NTM: variants seen among roughly 807,000 people sequenced by gnomAD.
The protein encoded by NTM is IgLON family member 2.
Under a neutral mutation model 42.1 loss-of-function variants are expected in NTM, and 13 were observed. The observed-to-expected ratio is 0.31, with a 90% CI of 0.20 to 0.49. The LOEUF (loss-of-function observed/expected upper bound fraction) is 0.49, where lower values mean the gene tolerates loss of function less well. Among genes scored for constraint, NTM ranks in the 20% least tolerant of loss-of-function variants. The probability of loss-of-function intolerance (pLI) is 0.99; values close to 1 mark genes in which losing one functional copy is unlikely to be tolerated. For synonymous variants in NTM, 187 were observed against 179.2 expected, an observed-to-expected ratio of 1.04 and a Z score of -0.35; for missense variants, 373 against 452.8, an observed-to-expected ratio of 0.82 and a Z score of 1.60.
intron 2 of NTM, among the ~76,000 whole-genome samples, chr11:132,008,610 C>T (rs1435066175): frequency 6.6e-6 from 1 of 151,906 alleles, no homozygotes; most frequent in African/African-American, 2.4e-5. Flanking sequence ...GAGCCTCTGT[C>T]TGTGAATCTT....
chr11:132,205,164 A>C (rs1435268482), intron 3 of NTM, among the ~76,000 whole-genome samples: 1 of 152,188 alleles, frequency 6.6e-6, no homozygotes, highest in African/African-American at 2.4e-5. Flanking sequence ...GAGGAGAGGC[A>C]GGAGGGGAAC....
At chr11:132,137,903 A>G (rs1209057089) in intron 2 of NTM, among the ~76,000 whole-genome samples, 1 of 152,088 alleles carries the variant, frequency 6.6e-6, no homozygotes, top group African/African-American at 2.4e-5. Flanking sequence ...ACACACAGAG[A>G]GCAACGTGCT....
rs1220374366 is a variant in NTM at position 132,149,614 on chromosome 11, CT to C, written c.400+3101del. ...TACTGTCAAATATCCCATCTACCCCCTAGTTCTCTGTACTGGATTTTCTTCC... is the reference window on the plus strand; with the variant it reads ...TACTGTCAAATATCCCATCTACCCCCAGTTCTCTGTACTGGATTTTCTTCC... On this transcript the variant is annotated intron_variant, in intron 3 of 8. Transcript: ENST00000683400. 3.3e-5 allele frequency among the ~76,000 whole-genome samples: 5 copies of C among 152,180 alleles called. No individual in the cohort carries two copies. The East Asian group carries it at 9.6e-4, about 29-fold the overall frequency.
At chr11:131,754,635 A>AAG (rs2083078739) in intron 1 of NTM, among the ~76,000 whole-genome samples, 1 of 151,790 alleles carries the variant, frequency 6.6e-6, no homozygotes, top group East Asian at 1.9e-4. Context: ...CAAAAAAAAA[A>AAG]AAATGCTAAA....
chr11:132,119,267 A>G (rs962309265), intron 2 of NTM, among the ~76,000 whole-genome samples: 15 of 152,226 alleles, frequency 9.9e-5, no homozygotes, highest in East Asian at 1.9e-4. Context: ...GAGATCATCA[A>G]TGGCTGAAGG....
chr11:131,737,606 A>G (rs1461213857), intron 1 of NTM, among the ~76,000 whole-genome samples: 1 of 152,152 alleles, frequency 6.6e-6, no homozygotes, highest in Non-Finnish European at 1.5e-5. Flanking sequence ...CTGGGGGAAG[A>G]TGAATAGATC....
At chr11:131,471,901 A>T (rs554571509) in intron 1 of NTM, among the ~76,000 whole-genome samples, 2 of 152,188 alleles carry the variant, frequency 1.3e-5, no homozygotes, top group South Asian at 2.1e-4. Flanking sequence ...CTTGCCAATG[A>T]CTCAAAGTAG....
At chr11:131,680,779 G>T (rs2072489802) in intron 1 of NTM, among the ~76,000 whole-genome samples, 1 of 143,326 alleles carries the variant, frequency 7.0e-6, no homozygotes, top group African/African-American at 2.6e-5. Context: ...CTATGTCTAT[G>T]TGAGTGCCTG....
chr11:131,669,450 C>T (rs2069712747), intron 1 of NTM, among the ~76,000 whole-genome samples: 1 of 152,134 alleles, frequency 6.6e-6, no homozygotes, highest in East Asian at 1.9e-4. Context: ...ACTTAGCATC[C>T]ATTAAGTGCT....
Position 131,795,376 on chromosome 11 carries a change from G to A in NTM, c.83-116188G>A, listed in dbSNP as rs934307518. 1.2e-5 allele frequency: 12 copies of A among 984,180 alleles called. No homozygotes were observed. In the Admixed American group the frequency reaches 4.9e-4, roughly 40 times the overall value. 61.0% of individuals were successfully genotyped at this position (984,180 alleles called of 1,614,324 possible). ...GTTATTGTTATGAGCTATTTACTTA[G>A]CATCACTTAAAAAGGGAATAGTGAT... is the stretch of plus-strand genomic sequence containing the variant. On this transcript the variant is annotated intron_variant, in intron 1 of 8. Coordinates refer to ENST00000683400, the MANE Select transcript of NTM (RefSeq NM_001352005.2).
chr11:131,940,229 T>C (rs908113876), intron 2 of NTM, among the ~76,000 whole-genome samples: 2 of 152,180 alleles, frequency 1.3e-5, no homozygotes, highest in Non-Finnish European at 2.9e-5. Flanking sequence ...GTTTCTTATA[T>C]TTACTCCTGA....
chr11:132,210,442 G>A (rs2082654943), intron 3 of NTM, among the ~76,000 whole-genome samples: 1 of 152,168 alleles, frequency 6.6e-6, no homozygotes, highest in African/African-American at 2.4e-5. Context: ...TGAGCTCTTA[G>A]CGTGGATACA....
chr11:132,229,997 T>A (rs928684693), intron 4 of NTM, among the ~76,000 whole-genome samples: 1 of 152,252 alleles, frequency 6.6e-6, no homozygotes, highest in African/African-American at 2.4e-5. Flanking sequence ...CTGGGCTGCC[T>A]TGAGCAAGTC....
intron 1 of NTM, among the ~76,000 whole-genome samples, chr11:131,728,902 GGA>G (rs1344424741): frequency 6.6e-6 from 1 of 152,078 alleles, no homozygotes; most frequent in Non-Finnish European, 1.5e-5. Context: ...ACACCATTTT[GGA>G]GATTCTAAAG....
At chr11:132,094,477 T>C (rs1263630389) in intron 2 of NTM, among the ~76,000 whole-genome samples, 1 of 152,282 alleles carries the variant, frequency 6.6e-6, no homozygotes, top group Admixed American at 6.5e-5. Context: ...CTCTCTCATT[T>C]TTCCCTGCCA....
chr11:132,077,732 A>T (rs2058547676), intron 2 of NTM, among the ~76,000 whole-genome samples: 1 of 152,206 alleles, frequency 6.6e-6, no homozygotes, highest in African/African-American at 2.4e-5. Flanking sequence ...ACAATAGAAG[A>T]ACAAAGCATG....
intron 1 of NTM, among the ~76,000 whole-genome samples, chr11:131,889,002 G>A (rs537737382): frequency 6.6e-6 from 1 of 151,876 alleles, no homozygotes; most frequent in African/African-American, 2.4e-5. Context: ...CAGCAGCATT[G>A]AGTGCTAAAT....
At chr11:132,235,982 GCACA>G (rs1301279465) in intron 4 of NTM, among the ~76,000 whole-genome samples, 2 of 125,624 alleles carry the variant, frequency 1.6e-5, no homozygotes, top group African/African-American at 5.8e-5. Context: ...TTTTTGACAG[GCACA>G]CACACAGACA....
chr11:131,917,084 T>A (rs1022342115), intron 2 of NTM, among the ~76,000 whole-genome samples: 3 of 152,232 alleles, frequency 2.0e-5, no homozygotes, highest in African/African-American at 7.2e-5. Flanking sequence ...TCTGAAGTTA[T>A]CCCATTCATT....
Sources: gnomAD v4.1 joint callset for allele counts (sites outside exome capture counted in the v4.1 genomes callset) on GRCh38, gnomAD v4.1.1 for gene constraint, MANE v1.5 for transcripts, NCBI Gene and HGNC (gene_info 2026-07-23, HGNC 2026-07-21) for gene names.